The following GRIN2B variants were observed in gnomAD, a reference collection of about 807,000 sequenced individuals.
GRIN2B encodes the protein glutamate receptor ionotropic, NMDA 2B.
Under a neutral mutation model 114.5 loss-of-function variants are expected in GRIN2B, and 5 were observed. That is an observed-to-expected ratio of 0.04 (90% CI 0.02 to 0.09). The LOEUF (loss-of-function observed/expected upper bound fraction) is 0.09, where lower values mean the gene tolerates loss of function less well. Among genes scored for constraint, GRIN2B ranks in the 10% least tolerant of loss-of-function variants. The pLI is 1.00. For synonymous variants in GRIN2B, 787 were observed against 745.1 expected, an observed-to-expected ratio of 1.06 and a Z score of -0.92; for missense variants, 1,108 against 1,943.5, an observed-to-expected ratio of 0.57 and a Z score of 8.08.
chr12:13,824,013 T>C (rs1864985571), intron 3 of GRIN2B, among the ~76,000 whole-genome samples: 1 of 152,210 alleles, frequency 6.6e-6, no homozygotes, highest in African/African-American at 2.4e-5. Context: ...ATTATCCTTT[T>C]TATATCTTGC....
intron 4 of GRIN2B, among the ~76,000 whole-genome samples, chr12:13,711,928 T>C (rs942159252): frequency 6.6e-6 from 1 of 152,046 alleles, no homozygotes; most frequent in Non-Finnish European, 1.5e-5. Context: ...CACATGCACA[T>C]GTATGTTTAC....
intron 2 of GRIN2B, among the ~76,000 whole-genome samples, chr12:13,909,915 T>C (rs1235875507): frequency 6.6e-6 from 1 of 152,158 alleles, no homozygotes; most frequent in Admixed American, 6.5e-5. Context: ...TCAGAGATTA[T>C]GGAACAACAA....
intron 10 of GRIN2B, among the ~76,000 whole-genome samples, chr12:13,579,044 G>A (rs1357739077): frequency 6.6e-6 from 1 of 152,182 alleles, no homozygotes; most frequent in African/African-American, 2.4e-5. Context: ...GGGCTGTCTC[G>A]ATGGTGTCCC....
At chr12:13,940,594 G>A (rs1336831772) in intron 2 of GRIN2B, among the ~76,000 whole-genome samples, 1 of 152,074 alleles carries the variant, frequency 6.6e-6, no homozygotes, top group African/African-American at 2.4e-5. Context: ...GGAAGTGTAG[G>A]CTGAATATCA....
At chr12:13,810,905 C>T (rs1445598343) in intron 3 of GRIN2B, among the ~76,000 whole-genome samples, 3 of 152,334 alleles carry the variant, frequency 2.0e-5, no homozygotes, top group Middle Eastern at 3.4e-3. Flanking sequence ...TCCAATACCC[C>T]TAATACATCT....
chr12:13,579,608 T>C (rs567248935), intron 10 of GRIN2B, among the ~76,000 whole-genome samples: 6 of 152,298 alleles, frequency 3.9e-5, no homozygotes, highest in African/African-American at 1.2e-4. Context: ...ATCATCGCCA[T>C]TGGAAGCAAC....
At chr12:13,920,254 G>T (rs1369712289) in intron 2 of GRIN2B, among the ~76,000 whole-genome samples, 1 of 151,448 alleles carries the variant, frequency 6.6e-6, no homozygotes, top group African/African-American at 2.4e-5. Context: ...AAAAAAACGG[G>T]GATTGGGAGA....
At position 13,559,761 on chromosome 12, in the gene GRIN2B, GACTTCTGAGGGTGGAGA is replaced by G. The variant is rs1332008038; in HGVS notation, c.*3005_*3021del. On this transcript the variant is annotated 3_prime_UTR_variant, in exon 14 of 14. Coordinates refer to ENST00000609686, the MANE Select transcript of GRIN2B (RefSeq NM_000834.5). ...TTTTTCCACGTGTGTTTGCCAGGCT[GACTTCTGAGGGTGGAGA>G]TGGGGCAGGGAGTGAGTCAGCGCCC... is the stretch of plus-strand genomic sequence containing the variant. The G allele has an allele frequency of 1.3e-5, 2 of 152,218 alleles. No homozygotes were observed. Among genetic ancestry groups the G allele is most frequent in the Non-Finnish European group, 2.9e-5 (2 of 68,060 alleles). 9.4% of individuals were successfully genotyped at this position (152,218 alleles called of 1,614,324 possible).
At chr12:13,920,687 A>G (rs1432563890) in intron 2 of GRIN2B, among the ~76,000 whole-genome samples, 3 of 152,182 alleles carry the variant, frequency 2.0e-5, no homozygotes, top group African/African-American at 7.2e-5. Context: ...GGAAGACGTC[A>G]CTTTGATGTT....
intron 2 of GRIN2B, among the ~76,000 whole-genome samples, chr12:13,911,855 T>C (rs1183205975): frequency 6.6e-6 from 1 of 152,184 alleles, no homozygotes; most frequent in Non-Finnish European, 1.5e-5. Context: ...CCTCACACTA[T>C]TTCTTCTACG....
chr12:13,575,516 G>C (rs1035265670), intron 10 of GRIN2B, among the ~76,000 whole-genome samples: 1 of 151,916 alleles, frequency 6.6e-6, no homozygotes, highest in Non-Finnish European at 1.5e-5. Context: ...AAAATTAGCC[G>C]TGCGTGGTGG....
At chr12:13,761,967 G>A (rs766288111) in intron 3 of GRIN2B, among the ~76,000 whole-genome samples, 1 of 152,068 alleles carries the variant, frequency 6.6e-6, no homozygotes. Flanking sequence ...AAAATGACAG[G>A]CATCATAAAA....
At chr12:13,714,082 T>C (rs1277002425) in intron 4 of GRIN2B, among the ~76,000 whole-genome samples, 1 of 151,812 alleles carries the variant, frequency 6.6e-6, no homozygotes, top group Non-Finnish European at 1.5e-5. Context: ...GTACCCTACA[T>C]CACTCAACCA....
rs972958618 is a variant in GRIN2B, at chr12:13,619,747, A to C, written c.1126-3090T>G. ...CTCATTATATCACAGTGAGCCTGTG[A>C]GATTGAAGCTCACATTTAATGTTTC... On this transcript the variant is annotated intron_variant, in intron 5 of 13. Transcript: ENST00000609686. Among the ~76,000 whole-genome samples the C allele has an allele frequency of 2.6e-5, 4 of 152,194 alleles. No homozygotes were observed. In the East Asian group the frequency reaches 7.7e-4, roughly 29 times the overall value.
rs369786199 is a variant in GRIN2B at position 13,615,229 on chromosome 12, G to A, written c.1539C>T (p.Leu513=). ...CCTCCGATCGTTCCTCATTGATGGTGAGTGAGCCCACTGCCATGTAGGCCC... is the reference window on the plus strand; with the variant it reads ...CCTCCGATCGTTCCTCATTGATGGTAAGTGAGCCCACTGCCATGTAGGCCC... ...MKRAYMAVGS[L]TINEERSEVV... Residue 513 remains leucine (L), a synonymous_variant, in exon 8 of 14, where the codon CTC becomes CTT. Coordinates refer to ENST00000609686, the MANE Select transcript of GRIN2B (RefSeq NM_000834.5). This position sits in a 1 kb window ranked among gnomAD's most constrained non-coding sequence, Gnocchi z 5.8. The A allele has an allele frequency of 1.9e-6, 3 of 1,613,936 alleles. No individual in the cohort carries two copies. Among genetic ancestry groups the A allele is most frequent in the Non-Finnish European group, 2.5e-6 (3 of 1,179,842 alleles).
At chr12:13,723,481 A>T in intron 4 of GRIN2B, among the ~76,000 whole-genome samples, 1 of 89,520 alleles carries the variant, frequency 1.1e-5, no homozygotes, top group East Asian at 2.4e-4. Flanking sequence ...AGAATTACTT[A>T]AAAAAAAAAA....
intron 5 of GRIN2B, among the ~76,000 whole-genome samples, chr12:13,645,937 G>C (rs1823827640): frequency 6.6e-6 from 1 of 152,120 alleles, no homozygotes; most frequent in African/African-American, 2.4e-5. Flanking sequence ...TAAAGAGAAA[G>C]AGGTAAATTG....
At chr12:13,966,059 G>A (rs546896158) in intron 2 of GRIN2B, among the ~76,000 whole-genome samples, 2 of 152,176 alleles carry the variant, frequency 1.3e-5, no homozygotes, top group Non-Finnish European at 2.9e-5. Context: ...GAAAAGCTGG[G>A]CTTGAATTCT....
At chr12:13,596,243 C>T (rs1237180346) in intron 10 of GRIN2B, among the ~76,000 whole-genome samples, 3 of 152,182 alleles carry the variant, frequency 2.0e-5, no homozygotes, top group Non-Finnish European at 4.4e-5. Flanking sequence ...AGGTGGAGTC[C>T]CAGCTGCCTC....
Sources: allele counts gnomAD v4.1 joint callset (sites outside exome capture counted in the v4.1 genomes callset), GRCh38; gene constraint gnomAD v4.1.1; non-coding constraint Gnocchi (gnomAD v3.1); transcripts MANE v1.5; gene names NCBI Gene and HGNC (gene_info 2026-07-23, HGNC 2026-07-21).